SNX24: variants seen among roughly 807,000 people sequenced by gnomAD.
SNX24 encodes the protein sorting nexin-24.
In SNX24, 22 loss-of-function variants were observed where a neutral mutation model predicts 28.7. The observed-to-expected ratio is 0.77, with a 90% CI of 0.55 to 1.10. The LOEUF is 1.10. SNX24 is among the 50% of genes least tolerant of loss of function. The probability of loss-of-function intolerance (pLI) is 0.00; values close to 1 mark genes in which losing one functional copy is unlikely to be tolerated. For synonymous variants in SNX24, 69 were observed against 71.5 expected, an observed-to-expected ratio of 0.96 and a Z score of 0.18; for missense variants, 221 against 201.1, an observed-to-expected ratio of 1.10 and a Z score of -0.60.
At chr5:122,986,912 G>A (rs967320269) in intron 3 of SNX24, among the ~76,000 whole-genome samples, 4 of 152,102 alleles carry the variant, frequency 2.6e-5, no homozygotes, top group Admixed American at 6.6e-5. Context: ...ATAACTAGGA[G>A]AAAGAAGAGC....
chr5:122,891,720 G>T (rs983902626), intron 1 of SNX24, among the ~76,000 whole-genome samples: 2 of 152,182 alleles, frequency 1.3e-5, no homozygotes, highest in African/African-American at 4.8e-5. Flanking sequence ...ATTTACTTAT[G>T]TAGAGACTTA....
chr5:122,920,088 C>T (rs1265291403), intron 1 of SNX24, among the ~76,000 whole-genome samples: 5 of 152,166 alleles, frequency 3.3e-5, no homozygotes, highest in African/African-American at 4.8e-5. Flanking sequence ...GGTAGATTGT[C>T]ATGTACAGGC....
chr5:122,996,723 G>A (rs570272188), intron 3 of SNX24, among the ~76,000 whole-genome samples: 10 of 152,164 alleles, frequency 6.6e-5, no homozygotes, highest in Non-Finnish European at 1.5e-4. Context: ...CTTCCTGAAA[G>A]CCCACATACT....
At chr5:123,009,948 A>C (rs434432), downstream of SNX24, among the ~76,000 whole-genome samples, 33,911 of 152,210 alleles carry the variant, frequency 0.22, 4,826 homozygotes, top group Non-Finnish European at 0.33. Flanking sequence ...TCCAGGGATC[A>C]GCAAGTAGAA....
At chr5:122,947,562 C>G (rs1316505302) in intron 3 of SNX24, among the ~76,000 whole-genome samples, 1 of 152,072 alleles carries the variant, frequency 6.6e-6, no homozygotes, top group East Asian at 1.9e-4. Flanking sequence ...CTGTCTCTCT[C>G]TGGGGGTGAG....
intron 1 of SNX24, among the ~76,000 whole-genome samples, chr5:122,903,480 C>T (rs1581726657): frequency 6.6e-6 from 1 of 152,108 alleles, no homozygotes; most frequent in East Asian, 1.9e-4. Context: ...TGTGTTTTGG[C>T]CAGTGAACAG....
At chr5:122,937,467 T>C (rs1759227704) in intron 2 of SNX24, among the ~76,000 whole-genome samples, 2 of 152,194 alleles carry the variant, frequency 1.3e-5, no homozygotes, top group Admixed American at 6.5e-5. Flanking sequence ...GAAGAGTAAA[T>C]GCTTCTTTAT....
At chr5:122,904,736 G>A (rs982170297) in intron 1 of SNX24, among the ~76,000 whole-genome samples, 3 of 152,082 alleles carry the variant, frequency 2.0e-5, no homozygotes, top group Non-Finnish European at 2.9e-5. Flanking sequence ...AACTGTGACC[G>A]AAGGAACATG....
At chr5:122,876,836 AG>A (rs1213311650) in intron 1 of SNX24, among the ~76,000 whole-genome samples, 1 of 152,196 alleles carries the variant, frequency 6.6e-6, no homozygotes, top group African/African-American at 2.4e-5. Context: ...GATTTAAATA[AG>A]TGTGTGGAAA....
intron 3 of SNX24, among the ~76,000 whole-genome samples, chr5:122,993,256 T>C (rs561510290): frequency 2.6e-5 from 4 of 151,852 alleles, no homozygotes; most frequent in Admixed American, 2.6e-4. Flanking sequence ...TTTTTATTTT[T>C]CAGGTGGTCA....
intron 2 of SNX24, among the ~76,000 whole-genome samples, chr5:122,942,405 A>G (rs1407226774): frequency 1.3e-5 from 2 of 152,250 alleles, no homozygotes; most frequent in Admixed American, 6.5e-5. Flanking sequence ...ACCCTGAGGA[A>G]GTAGCGGTGG....
intron 2 of SNX24, among the ~76,000 whole-genome samples, chr5:122,939,787 C>T (rs1184831428): frequency 6.6e-6 from 1 of 152,052 alleles, no homozygotes; most frequent in Admixed American, 6.6e-5. Flanking sequence ...ATGATTAATG[C>T]CTGTTGAAGT....
intron 1 of SNX24, among the ~76,000 whole-genome samples, chr5:122,934,955 A>C (rs1400741977): frequency 6.6e-6 from 1 of 151,992 alleles, no homozygotes; most frequent in African/African-American, 2.4e-5. Context: ...ACATTCCATG[A>C]AGCAGCCATT....
intron 3 of SNX24, among the ~76,000 whole-genome samples, chr5:122,981,427 A>T (rs1262340085): frequency 6.6e-6 from 1 of 152,248 alleles, no homozygotes; most frequent in Non-Finnish European, 1.5e-5. Flanking sequence ...GTACTTTTAA[A>T]AAGGTTTTAC....
intron 1 of SNX24, among the ~76,000 whole-genome samples, chr5:122,873,760 CTT>C (rs909560379): frequency 1.7e-4 from 20 of 120,632 alleles, no homozygotes; most frequent in African/African-American, 4.1e-4. Context: ...CAAAGGGAAT[CTT>C]TTTTTTTTTT....
chr5:122,969,336 G>A (rs916098473), intron 3 of SNX24, among the ~76,000 whole-genome samples: 11 of 152,090 alleles, frequency 7.2e-5, no homozygotes, highest in Admixed American at 5.2e-4. Context: ...TCTAGTTGTG[G>A]CAATGGAGTT....
chr5:122,893,537 T>C (rs1184133655), intron 1 of SNX24, among the ~76,000 whole-genome samples: 2 of 152,170 alleles, frequency 1.3e-5, no homozygotes, highest in African/African-American at 4.8e-5. Context: ...TATATACACA[T>C]AGTTATATAT....
intron 1 of SNX24, among the ~76,000 whole-genome samples, chr5:122,935,029 G>A (rs1283008642): frequency 6.6e-6 from 1 of 152,138 alleles, no homozygotes; most frequent in Non-Finnish European, 1.5e-5. Flanking sequence ...AGTAGGTAGA[G>A]CCTTGCCGAG....
In SNX24 at chr5:122,864,536, G is replaced by A. The variant is rs114235437; in HGVS notation, c.60+18843G>A. On this transcript the variant is annotated intron_variant, in intron 1 of 6. Coordinates refer to ENST00000261369, the MANE Select transcript of SNX24 (RefSeq NM_014035.4). ...AAATCAATCTCCCCAAACATTCAGT[G>A]ATGAGTTTTAAGGACAATTTAGTGG... 2.7e-3 allele frequency among the ~76,000 whole-genome samples: 405 copies of A among 152,342 alleles called. 1 individual carries two copies. The highest frequency in any genetic ancestry group is 4.9e-3 in the Non-Finnish European group (336 of 68,028).
Sources: allele counts gnomAD v4.1 joint callset (sites outside exome capture counted in the v4.1 genomes callset), GRCh38; gene constraint gnomAD v4.1.1; transcripts MANE v1.5; gene names NCBI Gene and HGNC (gene_info 2026-07-23, HGNC 2026-07-21).